NELL2: variants seen among roughly 807,000 people sequenced by gnomAD.
NELL2 encodes protein kinase C-binding protein NELL2.
A neutral mutation model predicts 109.6 loss-of-function variants in NELL2; 41 were observed. That is an observed-to-expected ratio of 0.37 (90% CI 0.29 to 0.49). The LOEUF is 0.49. NELL2 is among the 20% of genes least tolerant of loss of function. NELL2 has a pLI of 0.98. For synonymous variants in NELL2, 355 were observed against 344.7 expected (o/e 1.03, Z -0.33); for missense variants, 900 against 1,008.3 (o/e 0.89, Z 1.45).
chr12:44,737,810 G>A (rs1032375633), intron 9 of NELL2, among the ~76,000 whole-genome samples: 1 of 151,746 alleles, frequency 6.6e-6, no homozygotes, highest in Non-Finnish European at 1.5e-5. Context: ...CCAACCAAGA[G>A]AGAATTCTTG....
At chr12:44,611,546 G>T (rs1439499841) in intron 13 of NELL2, among the ~76,000 whole-genome samples, 1 of 152,078 alleles carries the variant, frequency 6.6e-6, no homozygotes. Context: ...TCTATTAAAA[G>T]ACAAACTTGC....
At chr12:44,668,242 T>C (rs1482712363) in intron 12 of NELL2, among the ~76,000 whole-genome samples, 1 of 152,080 alleles carries the variant, frequency 6.6e-6, no homozygotes, top group African/African-American at 2.4e-5. Flanking sequence ...AAGCAACCCC[T>C]GGGACAAAGG....
chr12:44,910,133 G>A (rs545307779), intron 1 of NELL2, among the ~76,000 whole-genome samples: 1 of 151,860 alleles, frequency 6.6e-6, no homozygotes, highest in South Asian at 2.1e-4. Context: ...TTGACAAGTG[G>A]GACCTAATTA....
At chr12:44,634,124 CA>C (rs1946553026) in intron 13 of NELL2, among the ~76,000 whole-genome samples, 1 of 151,912 alleles carries the variant, frequency 6.6e-6, no homozygotes, top group Admixed American at 6.6e-5. Context: ...TTTACAAAAC[CA>C]AAGACATTAT....
chr12:44,675,767 G>C (rs1288960254), intron 12 of NELL2, among the ~76,000 whole-genome samples: 2 of 152,094 alleles, frequency 1.3e-5, no homozygotes, highest in African/African-American at 4.8e-5. Flanking sequence ...GTTTTAAGAG[G>C]TGATTAACTG....
At chr12:44,686,641 C>A (rs1411335662) in intron 12 of NELL2, among the ~76,000 whole-genome samples, 15 of 151,270 alleles carry the variant, frequency 9.9e-5, no homozygotes, top group Non-Finnish European at 2.9e-5. Context: ...ACAGACAGGA[C>A]CCTCAGCTGC....
At chr12:44,686,470 C>G (rs1242881527) in intron 12 of NELL2, among the ~76,000 whole-genome samples, 1 of 152,202 alleles carries the variant, frequency 6.6e-6, no homozygotes, top group East Asian at 1.9e-4. Flanking sequence ...AACTGCGTTC[C>G]TTTGGAGGAG....
intron 9 of NELL2, among the ~76,000 whole-genome samples, chr12:44,730,067 C>T (rs1056428123): frequency 2.6e-5 from 4 of 152,028 alleles, no homozygotes; most frequent in Admixed American, 6.6e-5. Context: ...TATATAAAGA[C>T]AAGAGGGTTT....
chr12:44,817,613 T>C (rs754422797), intron 2 of NELL2, among the ~76,000 whole-genome samples: 16 of 151,968 alleles, frequency 1.1e-4, no homozygotes, highest in Non-Finnish European at 2.2e-4. Context: ...AGGAAAAGCT[T>C]GTGAAAAAGC....
intron 1 of NELL2, among the ~76,000 whole-genome samples, chr12:44,902,732 C>G (rs1343723496): frequency 6.6e-6 from 1 of 152,038 alleles, no homozygotes; most frequent in Non-Finnish European, 1.5e-5. Flanking sequence ...AGAACAGAGG[C>G]CTTAGAAATA....
Position 44,876,041 on chromosome 12 carries a change from C to T in NELL2, c.-172G>A. On this transcript the variant is annotated 5_prime_UTR_variant, in exon 1 of 20. Transcript: ENST00000429094. ...TGCCTAAGAAAGAAAAGGGAGGCCTCCCCAGGCGCGTGAAGAACTTAGACC... is the reference window on the plus strand; with the variant it reads ...TGCCTAAGAAAGAAAAGGGAGGCCTTCCCAGGCGCGTGAAGAACTTAGACC... The T allele has an allele frequency of 6.8e-7, 1 of 1,476,400 alleles. No homozygotes were observed. The highest frequency in any genetic ancestry group is 8.9e-7 in the Non-Finnish European group (1 of 1,120,604). 91.5% of individuals were successfully genotyped at this position (1,476,400 alleles called of 1,614,324 possible). A position where few individuals can be genotyped will look rare whatever the true frequency, so the allele number is the denominator to read the frequency against.
chr12:44,683,531 A>C (rs61932402), intron 12 of NELL2, among the ~76,000 whole-genome samples: 1 of 151,878 alleles, frequency 6.6e-6, no homozygotes, highest in Non-Finnish European at 1.5e-5. Context: ...GTTTTTGCCC[A>C]TTCAGTATGA....
chr12:44,876,159 G>C lies in NELL2; in HGVS notation c.-290C>G, dbSNP rs187475564. On this transcript the variant is annotated 5_prime_UTR_variant, in exon 1 of 20. Transcript: ENST00000429094. ...GGAGGGGTCGGACTCGCCCCGGCGC[G>C]GCTCCGTCGGGGAATTAGCTCCCGA... 7 of 1,258,228 alleles carry C rather than the reference G, an allele frequency of 5.6e-6. No homozygotes were observed. Among genetic ancestry groups the C allele is most frequent in the South Asian group, 2.3e-5 (1 of 43,990 alleles). 77.9% of individuals were successfully genotyped at this position (1,258,228 alleles called of 1,614,324 possible).
intron 1 of NELL2, among the ~76,000 whole-genome samples, chr12:44,904,528 G>A (rs943616181): frequency 3.3e-5 from 5 of 152,048 alleles, no homozygotes; most frequent in Non-Finnish European, 7.4e-5. Flanking sequence ...AAAACACAAT[G>A]AAAGCCACAT....
chr12:44,800,308 G>A (rs910783621), intron 3 of NELL2, among the ~76,000 whole-genome samples: 4 of 152,176 alleles, frequency 2.6e-5, no homozygotes, highest in African/African-American at 9.6e-5. Context: ...TGAAGTTAAA[G>A]GGAGGAATTT....
Position 44,607,171 on chromosome 12 carries a change from G to A in NELL2, c.1661C>T (p.Thr554Met), listed in dbSNP as rs200918496. ...PQGFTGPSCE[T>M]DIDECSDGFV... is the part of the protein sequence containing the mutation. Reference sequence around the variant, plus strand: ...AGAAGATGAAATGATATTCTTACCCGTTTCACAGCTGGGTCCAGTGAAGCC... The same window carrying A: ...AGAAGATGAAATGATATTCTTACCCATTTCACAGCTGGGTCCAGTGAAGCC... Residue 554 changes from threonine to methionine, a missense_variant and splice_region_variant, in exon 15 of 20, where the codon ACG becomes ATG. By Grantham distance (81) the Thr-to-Met change is moderately conservative. This residue lies in a region of NELL2 where 333 missense variants were observed against 432.3 expected (regional missense o/e 0.77). Transcript: ENST00000429094. 2.9e-5 allele frequency: 47 copies of A among 1,609,820 alleles called. No homozygotes were observed. Among genetic ancestry groups the A allele is most frequent in the East Asian group, 1.1e-4 (5 of 44,746 alleles).
At chr12:44,887,348 CT>C (rs1328496092) in intron 1 of NELL2, among the ~76,000 whole-genome samples, 2 of 151,922 alleles carry the variant, frequency 1.3e-5, no homozygotes, top group African/African-American at 4.8e-5. Flanking sequence ...AGCCTCCATA[CT>C]TTTCTCAAAA....
At chr12:44,627,046 G>C (rs762744449) in intron 13 of NELL2, among the ~76,000 whole-genome samples, 1 of 152,008 alleles carries the variant, frequency 6.6e-6, no homozygotes, top group Non-Finnish European at 1.5e-5. Context: ...TTTGACAGCT[G>C]GTATGTCCCA....
At chr12:44,888,071 C>T (rs1945494223) in intron 1 of NELL2, among the ~76,000 whole-genome samples, 1 of 151,922 alleles carries the variant, frequency 6.6e-6, no homozygotes, top group African/African-American at 2.4e-5. Flanking sequence ...CCCAATTTTC[C>T]CAGAACCACT....
Sources: allele counts gnomAD v4.1 joint callset (sites outside exome capture counted in the v4.1 genomes callset), GRCh38; gene constraint gnomAD v4.1.1; regional missense constraint gnomAD v4.1.1; transcripts MANE v1.5; gene names NCBI Gene and HGNC (gene_info 2026-07-23, HGNC 2026-07-21).